GADL1: variants seen among roughly 807,000 people sequenced by gnomAD.
The protein encoded by GADL1 is acidic amino acid decarboxylase GADL1.
Under a neutral mutation model 69.5 loss-of-function variants are expected in GADL1, and 71 were observed. The observed-to-expected ratio is 1.02, with a 90% CI of 0.84 to 1.25. GADL1 has a LOEUF of 1.25. Among genes scored for constraint, GADL1 ranks in the 50% most tolerant of loss-of-function variants. GADL1 has a pLI of 0.00. For missense variants in GADL1, 737 were observed against 631.8 expected, an observed-to-expected ratio of 1.17 and a Z score of -1.79; for synonymous variants, 254 against 214.4, an observed-to-expected ratio of 1.18 and a Z score of -1.62.
rs192786220 is a variant in GADL1, at chr3:30,884,097, G to A, written c.37+10481C>T. ...TCCACTGCCAATAAGGAACAGGAAG[G>A]GAATGAGAGGGATGCATTCCATATG... is the stretch of plus-strand genomic sequence containing the variant. On this transcript the variant is annotated intron_variant, in intron 1 of 14. Coordinates refer to ENST00000282538, the MANE Select transcript of GADL1 (RefSeq NM_207359.3). Among the ~76,000 whole-genome samples, 6 of 151,952 alleles carry A rather than the reference G, an allele frequency of 3.9e-5. No individual in the cohort carries two copies. In the East Asian group the frequency reaches 1.2e-3, roughly 30 times the overall value.
At position 30,857,108 on chromosome 3, in the gene GADL1, G is replaced by C; in HGVS notation, c.244C>G (p.Gln82Glu). Residue 82 changes from glutamine to glutamate, a missense_variant, in exon 3 of 15, where the codon CAG (glutamine) becomes GAG (glutamate). Transcript: ENST00000282538. Reference sequence around the variant, plus strand: ...TCTCTCATCTCCAAATCAAGAAGCTGTTTCAGTTGTTCAGGAGGCCTCCAT... The same window carrying C: ...TCTCTCATCTCCAAATCAAGAAGCTCTTTCAGTTGTTCAGGAGGCCTCCAT... ...CEWRPPEQLK[Q>E]LLDLEMRDSG... is the part of the protein sequence containing the mutation. 2 of 1,550,032 alleles carry C rather than the reference G, an allele frequency of 1.3e-6. No homozygotes were observed. Among genetic ancestry groups the C allele is most frequent in the Non-Finnish European group, 1.7e-6 (2 of 1,145,688 alleles).
chr3:30,808,142 A>G (rs1697288839), intron 11 of GADL1, among the ~76,000 whole-genome samples: 1 of 151,988 alleles, frequency 6.6e-6, no homozygotes, highest in African/African-American at 2.4e-5. Flanking sequence ...AAAAAGGAGG[A>G]GGGGAGGGAA....
intron 14 of GADL1, among the ~76,000 whole-genome samples, chr3:30,757,403 T>C (rs1378982051): frequency 6.6e-6 from 1 of 152,110 alleles, no homozygotes; most frequent in Non-Finnish European, 1.5e-5. Flanking sequence ...ATAAAAAGCA[T>C]AAATGCTTAG....
intron 14 of GADL1, among the ~76,000 whole-genome samples, chr3:30,759,240 AAT>A (rs1289269156): frequency 1.6e-3 from 237 of 144,676 alleles, no homozygotes; most frequent in Non-Finnish European, 2.7e-3. Flanking sequence ...TAGCTCTCAC[AAT>A]GATTATGTAA....
At chr3:30,757,409 C>CT (rs980204964) in intron 14 of GADL1, among the ~76,000 whole-genome samples, 5 of 152,066 alleles carry the variant, frequency 3.3e-5, no homozygotes, top group African/African-American at 1.2e-4. Context: ...AGCATAAATG[C>CT]TTAGGACAAT....
intron 11 of GADL1, 134 bp downstream of exon 11, chr3:30,833,719 C>A: frequency 1.6e-6 from 1 of 645,120 alleles, no homozygotes; most frequent in Non-Finnish European, 2.8e-6. Flanking sequence ...ATGTAGAGAC[C>A]ATCAACACAT....
chr3:30,861,999 T>C (rs1249517035), intron 1 of GADL1, among the ~76,000 whole-genome samples: 6 of 151,972 alleles, frequency 3.9e-5, no homozygotes, highest in African/African-American at 1.2e-4. Context: ...TACCTTATTA[T>C]ATATGTCACT....
chr3:30,785,382 C>CTTTTT (rs71093938), intron 13 of GADL1, among the ~76,000 whole-genome samples: 1 of 124,474 alleles, frequency 8.0e-6, no homozygotes, highest in East Asian at 2.8e-4. Context: ...ATTTCTTTTT[C>CTTTTT]TTTTTTTTTT....
intron 14 of GADL1, among the ~76,000 whole-genome samples, chr3:30,758,912 A>T (rs183654365): frequency 2.6e-4 from 39 of 152,238 alleles, no homozygotes; most frequent in African/African-American, 6.5e-4. Context: ...TCAACATTTG[A>T]TCTCCTTCTA....
At chr3:30,833,423 C>T (rs1472247690) in intron 11 of GADL1, among the ~76,000 whole-genome samples, 1 of 152,078 alleles carries the variant, frequency 6.6e-6, no homozygotes, top group Non-Finnish European at 1.5e-5. Flanking sequence ...TATAAACGGG[C>T]TGTTAAGCCC....
chr3:30,819,304 A>G (rs1697529212), intron 11 of GADL1, among the ~76,000 whole-genome samples: 1 of 151,886 alleles, frequency 6.6e-6, no homozygotes, highest in South Asian at 2.1e-4. Flanking sequence ...TGAACTAAAA[A>G]TGGTTTTTTG....
At chr3:30,781,341 G>A (rs1295057901) in intron 13 of GADL1, among the ~76,000 whole-genome samples, 1 of 152,170 alleles carries the variant, frequency 6.6e-6, no homozygotes, top group African/African-American at 2.4e-5. Flanking sequence ...CACTAAGGTA[G>A]CAGCTCACGT....
At chr3:30,802,508 A>AT (rs1420380407) in intron 11 of GADL1, among the ~76,000 whole-genome samples, 14 of 152,344 alleles carry the variant, frequency 9.2e-5, no homozygotes, top group African/African-American at 3.4e-4. Flanking sequence ...CTCAGTAGAC[A>AT]TGGCGGTCCT....
chr3:30,740,763 T>C (rs1164801093), intron 14 of GADL1, among the ~76,000 whole-genome samples: 1 of 151,422 alleles, frequency 6.6e-6, no homozygotes, highest in African/African-American at 2.4e-5. Flanking sequence ...TTTTGGGTGA[T>C]CATCTTTTTC....
Position 30,846,290 on chromosome 3 carries a change from T to A in GADL1, c.652-1824A>T, listed in dbSNP as rs184689088. On this transcript the variant is annotated intron_variant, in intron 6 of 14. Transcript: ENST00000282538. ...AAGTCAGTTGTTCTAAGACTCAACC[T>A]CCCCACAGGTTTCATAAATCTACAG... Among the ~76,000 whole-genome samples, 3 of 152,082 alleles carry A rather than the reference T, an allele frequency of 2.0e-5. No homozygotes were observed. The East Asian group carries it at 5.8e-4, about 30-fold the overall frequency.
chr3:30,815,435 C>T (rs370088690), intron 11 of GADL1, among the ~76,000 whole-genome samples: 2 of 152,230 alleles, frequency 1.3e-5, no homozygotes, highest in East Asian at 3.9e-4. Flanking sequence ...ACAAGAAAAC[C>T]GTTGTCTGAC....
intron 13 of GADL1, among the ~76,000 whole-genome samples, chr3:30,783,308 T>C (rs1423798086): frequency 6.6e-6 from 1 of 152,202 alleles, no homozygotes. Flanking sequence ...TAGGAAAACA[T>C]CTATTAGATC....
chr3:30,865,210 C>G, intron 1 of GADL1, among the ~76,000 whole-genome samples: 1 of 151,856 alleles, frequency 6.6e-6, no homozygotes, highest in Admixed American at 6.6e-5. Context: ...GCTGCAATCA[C>G]CTCTCTGCAC....
chr3:30,830,379 G>A (rs1575224877), intron 11 of GADL1, among the ~76,000 whole-genome samples: 2 of 152,092 alleles, frequency 1.3e-5, no homozygotes, highest in African/African-American at 4.8e-5. Flanking sequence ...AAATAAGTTT[G>A]TTATGCTTTT....
Sources: allele counts gnomAD v4.1 joint callset (sites outside exome capture counted in the v4.1 genomes callset), GRCh38; gene constraint gnomAD v4.1.1; transcripts MANE v1.5; gene names NCBI Gene and HGNC (gene_info 2026-07-23, HGNC 2026-07-21).